Variants in OGDH observed in about 807,000 individuals in gnomAD.
The protein encoded by OGDH is oxoglutarate dehydrogenase.
A neutral mutation model predicts 116.6 loss-of-function variants in OGDH; 38 were observed. The observed-to-expected ratio is 0.33, with a 90% CI of 0.25 to 0.43. The LOEUF (loss-of-function observed/expected upper bound fraction) is 0.43. Among genes scored for constraint, OGDH ranks in the 20% least tolerant of loss-of-function variants. The pLI, the probability that OGDH is intolerant of heterozygous loss-of-function variation, is 1.00. For synonymous variants in OGDH, 488 were observed against 533.3 expected, an observed-to-expected ratio of 0.92 and a Z score of 1.17; for missense variants, 825 against 1,357.2, an observed-to-expected ratio of 0.61 and a Z score of 6.16.
Position 44,666,722 on chromosome 7 carries a change from A to T in OGDH, c.518-14A>T. On this transcript the variant is annotated splice_polypyrimidine_tract_variant and intron_variant, in intron 4 of 22. Coordinates refer to ENST00000222673, the MANE Select transcript of OGDH (RefSeq NM_002541.4). Reference sequence around the variant, plus strand: ...CCTCCTCATCTGGCTTGTCCTGCCCACATCGCCCTGCAGGGTTCTATGGCC... The same window carrying T: ...CCTCCTCATCTGGCTTGTCCTGCCCTCATCGCCCTGCAGGGTTCTATGGCC... 6.4e-7 allele frequency: 1 copy of T among 1,562,094 alleles called. No individual in the cohort carries two copies. Among genetic ancestry groups the T allele is most frequent in the Non-Finnish European group, 8.8e-7 (1 of 1,140,770 alleles).
chr7:44,681,974 C>A, intron 10 of OGDH, 126 bp downstream of exon 10: 1 of 1,251,022 alleles, frequency 8.0e-7, no homozygotes, highest in Non-Finnish European at 1.1e-6. Context: ...AAACCAGGTG[C>A]AGTGGCTCAC....
rs1788475027 is a variant in OGDH, at chr7:44,693,990, G to A, written c.1501G>A (p.Val501Met). Reference protein sequence around the residue: ...AEWRSTFHKDVVVDLVCYRRN... With the variant: ...AEWRSTFHKDMVVDLVCYRRN... ...GTGGAGGAGCACCTTCCACAAGGAC[G>A]TGGTTGTCGATTTGGTGAGTGACTC... Residue 501 changes from valine to methionine, a missense_variant, in exon 11 of 23, where the codon GTG (valine) becomes ATG (methionine). Transcript: ENST00000222673. 3 of 1,612,388 alleles carry A rather than the reference G, an allele frequency of 1.9e-6. No homozygotes were observed. Among genetic ancestry groups the A allele is most frequent in the Non-Finnish European group, 2.5e-6 (3 of 1,178,558 alleles).
At position 44,684,257 on chromosome 7, in the gene OGDH, C is replaced by T. The variant is rs142854419; in HGVS notation, c.1335+2409C>T. Reference sequence around the variant, plus strand: ...ATTGGGAGGCCATTGGAGAGACTGACGCAAGGAAGTGATGAGATACTGGTT... The same window carrying T: ...ATTGGGAGGCCATTGGAGAGACTGATGCAAGGAAGTGATGAGATACTGGTT... On this transcript the variant is annotated intron_variant, in intron 10 of 22. Transcript: ENST00000222673. Among the ~76,000 whole-genome samples, 438 of 151,972 alleles carry T rather than the reference C, an allele frequency of 2.9e-3. 2 individuals are homozygous for T. Among genetic ancestry groups the T allele is most frequent in the African/African-American group, 0.01 (424 of 41,412 alleles).
rs534693220 is a variant in OGDH at position 44,693,962 on chromosome 7, C to T, written c.1473C>T (p.Ala491=). The T allele has an allele frequency of 6.2e-6, 10 of 1,613,914 alleles. No individual in the cohort carries two copies. Among genetic ancestry groups the T allele is most frequent in the African/African-American group, 4.0e-5 (3 of 75,046 alleles). The change falls in exon 11 of 23, where the codon GCC becomes GCT. Residue 491 remains alanine (A), a synonymous_variant. Transcript: ENST00000222673. ...TCATGTACGTGTGCAAAGTGGCGGC[C>T]GAGTGGAGGAGCACCTTCCACAAGG... The part of the protein sequence containing the change: ...EAVMYVCKVA[A]EWRSTFHKDV...
chr7:44,707,573 G>A lies in OGDH; in HGVS notation c.2797-9G>A, dbSNP rs528064128. 5.0e-6 allele frequency: 8 copies of A among 1,613,508 alleles called. No homozygotes were observed. In the South Asian group the frequency reaches 7.7e-5, roughly 16 times the overall value. On this transcript the variant is annotated splice_polypyrimidine_tract_variant and intron_variant, in intron 21 of 22. Transcript: ENST00000222673. The surrounding 1 kb of genome is among the most constrained non-coding windows in gnomAD (Gnocchi z 5.2). ...TCCTCTTTTTGATCTGACCCCTGCT[G>A]TCTCCTAGCTGTCGCCATTCCCCTT...
intron 10 of OGDH, among the ~76,000 whole-genome samples, chr7:44,692,019 G>C (rs1164722834): frequency 6.7e-6 from 1 of 148,560 alleles, no homozygotes; most frequent in African/African-American, 2.6e-5. Flanking sequence ...TGATATCCTG[G>C]GGAAATGGTC....
intron 2 of OGDH, among the ~76,000 whole-genome samples, chr7:44,633,746 A>G (rs969680787): frequency 2.0e-5 from 3 of 152,228 alleles, no homozygotes; most frequent in Admixed American, 1.3e-4. Flanking sequence ...ATAGGGTTGC[A>G]TAATTATTGA....
At chr7:44,617,755 T>C (rs1249289543) in intron 1 of OGDH, among the ~76,000 whole-genome samples, 5 of 152,232 alleles carry the variant, frequency 3.3e-5, no homozygotes, top group Non-Finnish European at 5.9e-5. Flanking sequence ...TCCTTTAAAA[T>C]GGTTGCCAGC....
rs1364408305 is a variant in OGDH, at chr7:44,656,041, A to G, written c.517+8282A>G. Among the ~76,000 whole-genome samples the G allele has an allele frequency of 1.2e-4, 18 of 152,142 alleles. 1 individual carries two copies. The highest frequency in any genetic ancestry group is 1.2e-3 in the Admixed American group (18 of 15,270). ...AGGAGCTCTCAAATGACGCTGCCTG[A>G]TGGCTTTCCATCGTCAGGGTGCTAA... is the stretch of plus-strand genomic sequence containing the variant. On this transcript the variant is annotated intron_variant, in intron 4 of 22. Transcript: ENST00000222673.
intron 2 of OGDH, among the ~76,000 whole-genome samples, chr7:44,641,772 A>G (rs1312482375): frequency 2.0e-5 from 3 of 152,222 alleles, no homozygotes; most frequent in South Asian, 4.1e-4. Context: ...TCTAGAATGT[A>G]TGGAGCTCTC....
intron 9 of OGDH, among the ~76,000 whole-genome samples, chr7:44,677,557 G>A (rs907471823): frequency 6.6e-6 from 1 of 152,144 alleles, no homozygotes; most frequent in Admixed American, 6.5e-5. Context: ...CTGGAAAGAA[G>A]TCAGGTCTAT....
At chr7:44,679,085 CTG>C (rs1787817940) in intron 9 of OGDH, among the ~76,000 whole-genome samples, 1 of 152,162 alleles carries the variant, frequency 6.6e-6, no homozygotes, top group Non-Finnish European at 1.5e-5. Flanking sequence ...TGTGTCCTGG[CTG>C]TGATTTCAGC....
intron 1 of OGDH, among the ~76,000 whole-genome samples, chr7:44,619,606 T>C (rs1012577320): frequency 6.6e-6 from 1 of 152,234 alleles, no homozygotes; most frequent in African/African-American, 2.4e-5. Flanking sequence ...TTATATTCTA[T>C]AGATATAACA....
At chr7:44,615,826 G>A (rs573056201) in intron 1 of OGDH, among the ~76,000 whole-genome samples, 1 of 152,120 alleles carries the variant, frequency 6.6e-6, no homozygotes, top group Admixed American at 6.5e-5. Flanking sequence ...TCAGGAGTTC[G>A]AGGCCACCCT....
intron 10 of OGDH, among the ~76,000 whole-genome samples, chr7:44,686,755 C>T (rs547234667): frequency 3.9e-4 from 56 of 143,476 alleles, no homozygotes; most frequent in South Asian, 3.1e-3. Context: ...ATGGCATGAT[C>T]TCGGCTCACT....
At chr7:44,681,626 T>G in intron 9 of OGDH, 94 bp from the exon 10 acceptor site, 2 of 1,497,482 alleles carry the variant, frequency 1.3e-6, no homozygotes, top group South Asian at 1.3e-5. Context: ...CAAAACGTTA[T>G]TTTTTGAAAA....
chr7:44,631,878 A>G (rs528321415), intron 2 of OGDH, among the ~76,000 whole-genome samples: 1 of 151,116 alleles, frequency 6.6e-6, no homozygotes, highest in South Asian at 2.1e-4. Flanking sequence ...GGCCCTTAAA[A>G]AGAAAAATAA....
rs545645746 is a variant in OGDH, at chr7:44,700,119, G to C, written c.2431-22G>C. ...ACTCAGTGCTGTGTCCTGGCCTCTGGCCATTTCCTTCCCTGCTGCAGGACC... is the reference window on the plus strand; with the variant it reads ...ACTCAGTGCTGTGTCCTGGCCTCTGCCCATTTCCTTCCCTGCTGCAGGACC... On this transcript the variant is annotated intron_variant, in intron 18 of 22. Coordinates refer to ENST00000222673, the MANE Select transcript of OGDH (RefSeq NM_002541.4). 5.9e-5 allele frequency: 95 copies of C among 1,613,694 alleles called. No individual in the cohort carries two copies. In the East Asian group the frequency reaches 1.9e-3, roughly 33 times the overall value.
At chr7:44,636,299 G>A (rs2115654146) in intron 2 of OGDH, among the ~76,000 whole-genome samples, 1 of 152,360 alleles carries the variant, frequency 6.6e-6, no homozygotes, top group South Asian at 2.1e-4. Context: ...TCAGAAATAG[G>A]AAGCCCTACC....
Sources: gnomAD v4.1 joint callset for allele counts (sites outside exome capture counted in the v4.1 genomes callset) on GRCh38, gnomAD v4.1.1 for gene constraint, Gnocchi (gnomAD v3.1) non-coding constraint, MANE v1.5 for transcripts, NCBI Gene and HGNC (gene_info 2026-07-23, HGNC 2026-07-21) for gene names.